Variants in PREX2 observed in about 807,000 individuals in gnomAD.
PREX2 encodes phosphatidylinositol-3,4,5-trisphosphate dependent Rac exchange factor 2.
PREX2 carries 107 observed loss-of-function variants against 203.2 expected under a neutral mutation model. The ratio of observed to expected loss-of-function variants is 0.53; its 90% CI spans 0.45 to 0.62. The LOEUF is 0.62. Ranked by LOEUF, PREX2 falls within the 20% of genes least tolerant of loss-of-function variation. The pLI is 0.00. For missense variants in PREX2, 1,777 were observed against 1,955.9 expected, an observed-to-expected ratio of 0.91 and a Z score of 1.72; for synonymous variants, 672 against 663.6, an observed-to-expected ratio of 1.01 and a Z score of -0.19.
chr8:68,079,084 C>G (rs1809436348), intron 15 of PREX2, among the ~76,000 whole-genome samples: 1 of 152,108 alleles, frequency 6.6e-6, no homozygotes, highest in Non-Finnish European at 1.5e-5. Flanking sequence ...CTTCGAGAGG[C>G]CAAGGTGGGA....
At chr8:68,181,850 A>AAG (rs1275139411) in intron 35 of PREX2, among the ~76,000 whole-genome samples, 2 of 152,208 alleles carry the variant, frequency 1.3e-5, no homozygotes, top group African/African-American at 4.8e-5. Context: ...GTTGGGATAA[A>AAG]AGAGAAACTG....
At chr8:68,212,994 G>T (rs1585868469) in intron 37 of PREX2, among the ~76,000 whole-genome samples, 1 of 152,206 alleles carries the variant, frequency 6.6e-6, no homozygotes, top group South Asian at 2.1e-4. Flanking sequence ...GGGGGCCTCA[G>T]GATATGGACG....
intron 11 of PREX2, among the ~76,000 whole-genome samples, chr8:68,064,609 C>T (rs1049240127): frequency 6.6e-6 from 1 of 151,954 alleles, no homozygotes; most frequent in Non-Finnish European, 1.5e-5. Flanking sequence ...AACTCCTGGG[C>T]TCAAGCAGTC....
intron 1 of PREX2, among the ~76,000 whole-genome samples, chr8:67,959,937 A>G (rs1280534334): frequency 6.6e-6 from 1 of 152,200 alleles, no homozygotes; most frequent in Non-Finnish European, 1.5e-5. Flanking sequence ...TTTGGAAAAC[A>G]CATTTGATAA....
intron 1 of PREX2, among the ~76,000 whole-genome samples, chr8:67,980,770 G>C (rs1465910134): frequency 1.3e-5 from 2 of 152,182 alleles, no homozygotes; most frequent in Non-Finnish European, 2.9e-5. Flanking sequence ...GTTTCAGTCT[G>C]AATTTCTTGC....
intron 14 of PREX2, among the ~76,000 whole-genome samples, chr8:68,076,899 C>G (rs998758691): frequency 6.6e-6 from 1 of 151,886 alleles, no homozygotes; most frequent in Non-Finnish European, 1.5e-5. Context: ...CTCAGCCAAA[C>G]GATTTACTTG....
At chr8:68,205,021 C>G (rs921820341) in intron 37 of PREX2, among the ~76,000 whole-genome samples, 9 of 152,126 alleles carry the variant, frequency 5.9e-5, no homozygotes, top group African/African-American at 2.2e-4. Flanking sequence ...CCCTTGTCTT[C>G]CAGCTCTCGG....
At chr8:68,107,609 C>T (rs1157330102) in intron 23 of PREX2, among the ~76,000 whole-genome samples, 1 of 152,336 alleles carries the variant, frequency 6.6e-6, no homozygotes, top group East Asian at 1.9e-4. Context: ...TCAGCCTCCA[C>T]ACCCTACTGT....
intron 5 of PREX2, among the ~76,000 whole-genome samples, chr8:68,027,803 G>A (rs1003321296): frequency 1.2e-4 from 19 of 152,056 alleles, no homozygotes; most frequent in Non-Finnish European, 2.2e-4. Context: ...GACAATAAAT[G>A]ATAGAATGTG....
At chr8:68,129,493 G>A (rs6472384) in intron 31 of PREX2, among the ~76,000 whole-genome samples, 21,138 of 152,062 alleles carry the variant, frequency 0.14, 1,869 homozygotes, top group African/African-American at 0.24. Flanking sequence ...GAAAAGGGTA[G>A]ACTGTGTCTT....
At chr8:68,112,566 A>G (rs182788633) in intron 25 of PREX2, among the ~76,000 whole-genome samples, 143 of 152,220 alleles carry the variant, frequency 9.4e-4, no homozygotes, top group African/African-American at 3.3e-3. Flanking sequence ...TAAATGTACA[A>G]CAAGAGGGGC....
chr8:68,214,264 G>A (rs895825209), intron 37 of PREX2, among the ~76,000 whole-genome samples: 1 of 152,148 alleles, frequency 6.6e-6, no homozygotes, highest in African/African-American at 2.4e-5. Flanking sequence ...GCTGCATGTG[G>A]TGGTGTATTC....
At chr8:67,982,557 A>C (rs564983642) in intron 1 of PREX2, among the ~76,000 whole-genome samples, 1 of 152,358 alleles carries the variant, frequency 6.6e-6, no homozygotes, top group Non-Finnish European at 1.5e-5. Context: ...GACATGTATT[A>C]GAATTGTCAT....
chr8:68,212,069 C>T lies in PREX2; in HGVS notation c.4605-5547C>T, dbSNP rs113120091. On this transcript the variant is annotated intron_variant, in intron 37 of 39. Coordinates refer to ENST00000288368, the MANE Select transcript of PREX2 (RefSeq NM_024870.4). ...CCACTGACTCCTAAACTCTGATGCC[C>T]AAGGCTCTGCATGTTTGAGCCCAGG... 6.6e-3 allele frequency among the ~76,000 whole-genome samples: 1,006 copies of T among 152,254 alleles called. 10 individuals carry two copies. Among genetic ancestry groups the T allele is most frequent in the African/African-American group, 0.022 (932 of 41,524 alleles).
rs1424838209 is a variant in PREX2 at position 68,236,029 on chromosome 8, GA to G, written c.*4652del. 2.6e-5 allele frequency: 4 copies of G among 152,072 alleles called. No individual in the cohort carries two copies. The highest frequency in any genetic ancestry group is 5.9e-5 in the Non-Finnish European group (4 of 67,992). The allele number at this position is 152,072 out of a possible 1,614,324, so 9.4% of individuals were successfully genotyped here. On this transcript the variant is annotated 3_prime_UTR_variant, in exon 40 of 40. Coordinates refer to ENST00000288368, the MANE Select transcript of PREX2 (RefSeq NM_024870.4). ...TATTATTATATTTACTAGTGTTTGTGATAATGTTATAAAAATTAATAAGATT... is the reference window on the plus strand; with the variant it reads ...TATTATTATATTTACTAGTGTTTGTGTAATGTTATAAAAATTAATAAGATT...
At chr8:67,984,035 A>G (rs541051901) in intron 1 of PREX2, among the ~76,000 whole-genome samples, 1 of 152,056 alleles carries the variant, frequency 6.6e-6, no homozygotes, top group East Asian at 1.9e-4. Context: ...TGATCCTGCT[A>G]TTCTCCCTAT....
At position 68,077,423 on chromosome 8, in the gene PREX2, A is replaced by G; in HGVS notation, c.1596A>G (p.Ala532=). ...AQGDCRTREE[A]MIFGVGLCDN... ...GAGATTGCCGCACCAGAGAAGAGGCAATGATATTTGGCGTTGGACTCTGTG... is the reference window on the plus strand; with the variant it reads ...GAGATTGCCGCACCAGAGAAGAGGCGATGATATTTGGCGTTGGACTCTGTG... Residue 532 remains alanine, a synonymous_variant, in exon 15 of 40, where the codon GCA becomes GCG. Transcript: ENST00000288368. 6.2e-7 allele frequency: 1 copy of G among 1,613,926 alleles called. No individual in the cohort carries two copies. Among genetic ancestry groups the G allele is most frequent in the Non-Finnish European group, 8.5e-7 (1 of 1,179,808 alleles).
Position 67,975,694 on chromosome 8 carries a change from CTTTTTT to C in PREX2, c.141+23181_141+23186del, listed in dbSNP as rs67614434. On this transcript the variant is annotated intron_variant, in intron 1 of 39. Coordinates refer to ENST00000288368, the MANE Select transcript of PREX2 (RefSeq NM_024870.4). The stretch of plus-strand genomic sequence containing the variant: ...TCAGGATAGTAACTGATTTCTCTTT[CTTTTTT>C]TTTTTTTTTTTTTTTTTTTTTGAGA... Among the ~76,000 whole-genome samples the C allele has an allele frequency of 6.5e-4, 49 of 75,014 alleles. 3 individuals carry two copies. Among genetic ancestry groups the C allele is most frequent in the African/African-American group, 2.8e-3 (48 of 16,858 alleles). The allele number at this position is 75,014 out of a possible 152,430, so 49.2% of individuals were successfully genotyped here. A position where few individuals can be genotyped will look rare whatever the true frequency, so the allele number is the denominator to read the frequency against.
chr8:68,156,821 C>T (rs1022472794), intron 34 of PREX2, among the ~76,000 whole-genome samples: 2 of 152,182 alleles, frequency 1.3e-5, no homozygotes, highest in Admixed American at 1.3e-4. Context: ...CATCTTCCTT[C>T]TCTTCCTAGT....
Sources: gnomAD v4.1 joint callset for allele counts (sites outside exome capture counted in the v4.1 genomes callset) on GRCh38, gnomAD v4.1.1 for gene constraint, MANE v1.5 for transcripts, NCBI Gene and HGNC (gene_info 2026-07-23, HGNC 2026-07-21) for gene names.